DCTN5: variants seen among roughly 807,000 people sequenced by gnomAD.
DCTN5 encodes dynactin 4.
DCTN5 carries 14 observed loss-of-function variants against 23.5 expected under a neutral mutation model. The ratio of observed to expected loss-of-function variants is 0.60; its 90% confidence interval spans 0.39 to 0.93. The LOEUF is 0.93. DCTN5 is among the 40% of genes least tolerant of loss of function. The pLI is 0.00. For missense variants in DCTN5, 156 were observed against 225.9 expected, an observed-to-expected ratio of 0.69 and a Z score of 1.98; for synonymous variants, 67 against 79.6, an observed-to-expected ratio of 0.84 and a Z score of 0.84.
At position 23,671,709 on chromosome 16, in the gene DCTN5, C is replaced by T. The variant is rs551059769; in HGVS notation, c.*4565C>T. On this transcript the variant is annotated 3_prime_UTR_variant, in exon 6 of 6. Transcript: ENST00000300087. Reference sequence around the variant, plus strand: ...CAAGGCAGCTGGCTTTGAACACTACCCTTGCAGCCCAGTCAGCCAATCCCT... The same window carrying T: ...CAAGGCAGCTGGCTTTGAACACTACTCTTGCAGCCCAGTCAGCCAATCCCT... 2.0e-5 allele frequency: 3 copies of T among 152,382 alleles called. No individual in the cohort carries two copies. Among genetic ancestry groups the T allele is most frequent in the Admixed American group, 2.0e-4 (3 of 15,302 alleles). The allele number at this position is 152,382 out of a possible 1,614,324, so 9.4% of individuals were successfully genotyped here. A position where few individuals can be genotyped will look rare whatever the true frequency, so the allele number is the denominator to read the frequency against.
chr16:23,661,751 T>A (rs900721112), intron 4 of DCTN5, among the ~76,000 whole-genome samples: 4 of 151,206 alleles, frequency 2.6e-5, no homozygotes, highest in Admixed American at 6.6e-5. Context: ...AATAAATAAA[T>A]AAAAAGATTT....
At chr16:23,652,325 G>A (rs1001193979) in intron 2 of DCTN5, among the ~76,000 whole-genome samples, 25 of 152,006 alleles carry the variant, frequency 1.6e-4, no homozygotes, top group Admixed American at 5.9e-4. Context: ...TGATCATCCC[G>A]TAGCTATCTC....
chr16:23,641,661 A>C (rs966217740), intron 1 of DCTN5, 71 bp downstream of exon 1: 1 of 1,530,270 alleles, frequency 6.5e-7, no homozygotes, highest in Non-Finnish European at 9.0e-7. Flanking sequence ...CGGCGTTCCC[A>C]ACCTGCCCCT....
rs780714573 is a variant in DCTN5 at position 23,668,019 on chromosome 16, G to C, written c.*875G>C. ...CTCCACAATTCACACCAAAATGTCT[G>C]TACTTAGAGCTAATTCGCATATATA... On this transcript the variant is annotated 3_prime_UTR_variant, in exon 6 of 6. Coordinates refer to ENST00000300087, the MANE Select transcript of DCTN5 (RefSeq NM_032486.4). 3.3e-5 allele frequency: 5 copies of C among 152,208 alleles called. No individual in the cohort carries two copies. The highest frequency in any genetic ancestry group is 7.3e-5 in the Non-Finnish European group (5 of 68,048). 9.4% of individuals were successfully genotyped at this position (152,208 alleles called of 1,614,324 possible).
chr16:23,654,597 C>T (rs1048234141), intron 2 of DCTN5, among the ~76,000 whole-genome samples: 6 of 152,126 alleles, frequency 3.9e-5, no homozygotes, highest in Admixed American at 2.0e-4. Context: ...ATATGTACCC[C>T]TGAACTTAAA....
chr16:23,650,586 A>G (rs1472431929), intron 2 of DCTN5, among the ~76,000 whole-genome samples: 1 of 151,388 alleles, frequency 6.6e-6, no homozygotes, highest in South Asian at 2.1e-4. Context: ...TGGCCTCCCA[A>G]AGTGCTGGGA....
At chr16:23,643,084 A>G in intron 2 of DCTN5, 61 bp downstream of exon 2, 1 of 1,349,694 alleles carries the variant, frequency 7.4e-7, no homozygotes. Context: ...AATTGTCACC[A>G]CAGCAGGGCA....
At chr16:23,660,513 A>G (rs1256956165) in intron 3 of DCTN5, among the ~76,000 whole-genome samples, 2 of 152,196 alleles carry the variant, frequency 1.3e-5, no homozygotes, top group African/African-American at 4.8e-5. Flanking sequence ...CTCAAAGTCA[A>G]TTAAGTTTTT....
intron 2 of DCTN5, among the ~76,000 whole-genome samples, chr16:23,653,953 T>G (rs1003698991): frequency 2.0e-5 from 3 of 152,150 alleles, no homozygotes; most frequent in Admixed American, 6.6e-5. Context: ...ACATCACTGA[T>G]CATTAGAGAA....
chr16:23,654,875 T>C (rs1967671864), intron 2 of DCTN5, among the ~76,000 whole-genome samples: 1 of 152,218 alleles, frequency 6.6e-6, no homozygotes, highest in African/African-American at 2.4e-5. Context: ...GCTTGGCTTA[T>C]TTCATTTAAT....
chr16:23,660,798 A>G (rs1041656425), intron 3 of DCTN5, among the ~76,000 whole-genome samples: 9 of 152,216 alleles, frequency 5.9e-5, no homozygotes, highest in African/African-American at 2.2e-4. Flanking sequence ...TCATGAGCCT[A>G]CTGTCAATCC....
intron 4 of DCTN5, among the ~76,000 whole-genome samples, chr16:23,665,418 A>G (rs181934260): frequency 2.0e-5 from 3 of 152,328 alleles, no homozygotes; most frequent in African/African-American, 7.2e-5. Flanking sequence ...CCTCTAGCAT[A>G]CAGCCTTCCC....
At chr16:23,657,894 T>G (rs1567232128) in intron 2 of DCTN5, among the ~76,000 whole-genome samples, 1 of 152,228 alleles carries the variant, frequency 6.6e-6, no homozygotes, top group Non-Finnish European at 1.5e-5. Context: ...GCATATGCAC[T>G]TTTTAACCCC....
At chr16:23,642,732 C>G (rs1415531346) in intron 1 of DCTN5, 2 of 521,428 alleles carry the variant, frequency 3.8e-6, no homozygotes, top group African/African-American at 3.9e-5. Flanking sequence ...AGGGATCCGT[C>G]TGCCTCAGCC....
At position 23,669,832 on chromosome 16, in the gene DCTN5, G is replaced by A. The variant is rs1967975250; in HGVS notation, c.*2688G>A. 6.6e-6 allele frequency: 1 copy of A among 152,174 alleles called. No homozygotes were observed. Among genetic ancestry groups the A allele is most frequent in the African/African-American group, 2.4e-5 (1 of 41,420 alleles). 9.4% of individuals were successfully genotyped at this position (152,174 alleles called of 1,614,324 possible). On this transcript the variant is annotated 3_prime_UTR_variant, in exon 6 of 6. Transcript: ENST00000300087. Reference sequence around the variant, plus strand: ...GGAGGATATTGCCTAGCCAAAGTGGGTGTTCAATAAAGAACCATTTGGAGA... The same window carrying A: ...GGAGGATATTGCCTAGCCAAAGTGGATGTTCAATAAAGAACCATTTGGAGA...
At position 23,667,201 on chromosome 16, in the gene DCTN5, G is replaced by A. The variant is rs1382215924; in HGVS notation, c.*57G>A. 1.9e-6 allele frequency: 3 copies of A among 1,603,368 alleles called. No homozygotes were observed. Among genetic ancestry groups the A allele is most frequent in the Non-Finnish European group, 2.6e-6 (3 of 1,174,106 alleles). On this transcript the variant is annotated 3_prime_UTR_variant, in exon 6 of 6. Coordinates refer to ENST00000300087, the MANE Select transcript of DCTN5 (RefSeq NM_032486.4). ...GCTCTAAGATGAACCTGGGGACAAA[G>A]TGAGCCAGTCAGCACCTACAAAGAG...
At chr16:23,655,398 G>A (rs1403239662) in intron 2 of DCTN5, among the ~76,000 whole-genome samples, 1 of 151,968 alleles carries the variant, frequency 6.6e-6, no homozygotes, top group Non-Finnish European at 1.5e-5. Context: ...TTCTTTTTCT[G>A]AGACAGAGTC....
At chr16:23,646,735 CCTGACTAATTTTGTATTTTTAG>C (rs1967469019) in intron 2 of DCTN5, among the ~76,000 whole-genome samples, 1 of 152,122 alleles carries the variant, frequency 6.6e-6, no homozygotes, top group Non-Finnish European at 1.5e-5. Context: ...CGCCACCATG[CCTGACTAATTTTGTATTTTTAG>C]TAGAGACAGG....
rs1967960273 is a variant in DCTN5, at chr16:23,669,151, C to T, written c.*2007C>T. 6.6e-6 allele frequency: 1 copy of T among 152,594 alleles called. No individual in the cohort carries two copies. The highest frequency in any genetic ancestry group is 1.5e-5 in the Non-Finnish European group (1 of 68,056). The allele number at this position is 152,594 out of a possible 1,614,324, so 9.5% of individuals were successfully genotyped here. A position where few individuals can be genotyped will look rare whatever the true frequency, so the allele number is the denominator to read the frequency against. On this transcript the variant is annotated 3_prime_UTR_variant, in exon 6 of 6. Coordinates refer to ENST00000300087, the MANE Select transcript of DCTN5 (RefSeq NM_032486.4). ...GTCACCACACAATTACTTTTATAAC[C>T]CTGGAGATGAAAATCTCCTTGTCCT...
Sources: gnomAD v4.1 joint callset for allele counts (sites outside exome capture counted in the v4.1 genomes callset) on GRCh38, gnomAD v4.1.1 for gene constraint, MANE v1.5 for transcripts, NCBI Gene and HGNC (gene_info 2026-07-23, HGNC 2026-07-21) for gene names.